Variants in EHMT1 observed in about 807,000 individuals in gnomAD.
EHMT1 encodes the protein histone-lysine N-methyltransferase EHMT1.
Under a neutral mutation model 147.2 loss-of-function variants are expected in EHMT1, and 15 were observed. That is an observed-to-expected ratio of 0.10 (90% confidence interval 0.07 to 0.16). The LOEUF is 0.16. Ranked by LOEUF, EHMT1 falls within the 10% of genes least tolerant of loss-of-function variation. EHMT1 has a pLI of 1.00. For synonymous variants in EHMT1, 795 were observed against 709.6 expected, an observed-to-expected ratio of 1.12 and a Z score of -1.91; for missense variants, 1,587 against 1,772.4, an observed-to-expected ratio of 0.90 and a Z score of 1.88.
At chr9:137,636,691 AGATTTT>A (rs1395741823) in intron 1 of EHMT1, among the ~76,000 whole-genome samples, 1 of 152,088 alleles carries the variant, frequency 6.6e-6, no homozygotes, top group Non-Finnish European at 1.5e-5. Context: ...TGTCTTACAT[AGATTTT>A]CATATGCTCA....
At chr9:137,736,390 A>G (rs4344156) in intron 4 of EHMT1, among the ~76,000 whole-genome samples, 45 of 152,388 alleles carry the variant, frequency 3.0e-4, no homozygotes, top group African/African-American at 1.1e-3. Flanking sequence ...AGACCTCAGT[A>G]TCCACTTATC....
chr9:137,775,030 G>C lies in EHMT1; in HGVS notation c.1648-79G>C. 3 of 1,600,492 alleles carry C rather than the reference G, an allele frequency of 1.9e-6. No homozygotes were observed. Among genetic ancestry groups the C allele is most frequent in the Non-Finnish European group, 2.6e-6 (3 of 1,169,552 alleles). On this transcript the variant is annotated intron_variant, in intron 10 of 26. Transcript: ENST00000460843. This position sits in a 1 kb window ranked among gnomAD's most constrained non-coding sequence, Gnocchi z 6.1. Reference sequence around the variant, plus strand: ...CCTGCTGAGCAGCTCTTGTGTGCCTGCACTGCCCAGCGCCTGGTGGGAGGG... The same window carrying C: ...CCTGCTGAGCAGCTCTTGTGTGCCTCCACTGCCCAGCGCCTGGTGGGAGGG...
intron 1 of EHMT1, among the ~76,000 whole-genome samples, chr9:137,626,216 C>T (rs756554858): frequency 1.3e-5 from 2 of 151,738 alleles, no homozygotes; most frequent in Non-Finnish European, 2.9e-5. Flanking sequence ...TTTTTAGTAT[C>T]TCCTGTTCTT....
chr9:137,743,353 T>TTTTTTTTTTTTTTTTTTTTTTTTTTC lies in EHMT1; in HGVS notation c.824-3_824-2insTTTTTTTTTTCTTTTTTTTTTTTTTT. 1 of 144,588 alleles carries TTTTTTTTTTTTTTTTTTTTTTTTTTC rather than the reference T, an allele frequency of 6.9e-6. No homozygotes were observed. Among genetic ancestry groups the TTTTTTTTTTTTTTTTTTTTTTTTTTC allele is most frequent in the Non-Finnish European group, 1.5e-5 (1 of 66,570 alleles). 9.0% of individuals were successfully genotyped at this position (144,588 alleles called of 1,614,324 possible). A position where few individuals can be genotyped will look rare whatever the true frequency, so the allele number is the denominator to read the frequency against. ...TTTTCCTTTCTTGTCCCCTTTTGAC[T>TTTTTTTTTTTTTTTTTTTTTTTTTTC]TTTTTTTTTTTTTTTAGCTTGCTTG... On this transcript the variant is annotated splice_polypyrimidine_tract_variant and intron_variant, in intron 4 of 26. Coordinates refer to ENST00000460843, the MANE Select transcript of EHMT1 (RefSeq NM_024757.5).
intron 1 of EHMT1, among the ~76,000 whole-genome samples, chr9:137,661,535 G>C (rs192745691): frequency 1.3e-5 from 2 of 149,468 alleles, no homozygotes; most frequent in East Asian, 3.9e-4. Flanking sequence ...TGACAGGCTG[G>C]AGTGCAGTGG....
chr9:137,792,857 A>G (rs1952629296), intron 16 of EHMT1, among the ~76,000 whole-genome samples: 1 of 152,262 alleles, frequency 6.6e-6, no homozygotes, highest in South Asian at 2.1e-4. Flanking sequence ...AAAGAAATAG[A>G]CAAACTTGAT....
chr9:137,745,756 C>T (rs947771543), intron 6 of EHMT1: 1 of 388,742 alleles, frequency 2.6e-6, no homozygotes, highest in Non-Finnish European at 4.5e-6. Flanking sequence ...CTGAGTATGC[C>T]GGAGGCTCAT....
chr9:137,780,606 T>C (rs1415644755), intron 14 of EHMT1, among the ~76,000 whole-genome samples: 16 of 115,780 alleles, frequency 1.4e-4, no homozygotes, highest in East Asian at 9.1e-4. Flanking sequence ...GTGATGACGC[T>C]GGGATGTGTG....
At chr9:137,694,189 G>A (rs1359155301) in intron 1 of EHMT1, among the ~76,000 whole-genome samples, 2 of 109,306 alleles carry the variant, frequency 1.8e-5, no homozygotes, top group Non-Finnish European at 3.6e-5. Flanking sequence ...ATACCCACCA[G>A]GCAATGGTGC....
chr9:137,690,064 C>T (rs1404389367), intron 1 of EHMT1, among the ~76,000 whole-genome samples: 1 of 152,184 alleles, frequency 6.6e-6, no homozygotes, highest in Non-Finnish European at 1.5e-5. Context: ...GGTGCATGAT[C>T]TGACTTACAT....
chr9:137,639,957 G>A (rs1271454228), intron 1 of EHMT1, among the ~76,000 whole-genome samples: 5 of 152,128 alleles, frequency 3.3e-5, no homozygotes, highest in African/African-American at 7.2e-5. Flanking sequence ...ATTTAGAGAC[G>A]GAGTCTCGCT....
chr9:137,805,145 T>C (rs1953836892), intron 18 of EHMT1, among the ~76,000 whole-genome samples: 1 of 151,974 alleles, frequency 6.6e-6, no homozygotes, highest in Non-Finnish European at 1.5e-5. Flanking sequence ...TCCGCATGTG[T>C]GAGTCCATCA....
At chr9:137,717,545 G>T (rs1945455739) in intron 3 of EHMT1, among the ~76,000 whole-genome samples, 1 of 148,606 alleles carries the variant, frequency 6.7e-6, no homozygotes, top group African/African-American at 2.5e-5. Context: ...GGTGGAGACT[G>T]CAGTGAGCCC....
intron 1 of EHMT1, among the ~76,000 whole-genome samples, chr9:137,675,515 G>A (rs1422770281): frequency 1.3e-5 from 2 of 151,896 alleles, no homozygotes; most frequent in African/African-American, 2.4e-5. Flanking sequence ...CCAGGCTGGA[G>A]TGCAGTGGCG....
chr9:137,713,937 G>A (rs1380318878), intron 2 of EHMT1, among the ~76,000 whole-genome samples: 1 of 152,024 alleles, frequency 6.6e-6, no homozygotes, highest in African/African-American at 2.4e-5. Flanking sequence ...GTGACACAGC[G>A]AGACTCCATC....
At chr9:137,623,844 CT>C (rs1408410974) in intron 1 of EHMT1, among the ~76,000 whole-genome samples, 1 of 152,068 alleles carries the variant, frequency 6.6e-6, no homozygotes, top group East Asian at 1.9e-4. Context: ...CTGGTTTGGT[CT>C]TTTTTCTTTT....
At chr9:137,674,121 C>T (rs140039730) in intron 1 of EHMT1, among the ~76,000 whole-genome samples, 1 of 152,308 alleles carries the variant, frequency 6.6e-6, no homozygotes, top group East Asian at 1.9e-4. Context: ...CGTTCTAAAA[C>T]ACCAAGGCAT....
chr9:137,669,837 G>A (rs866022788), intron 1 of EHMT1, among the ~76,000 whole-genome samples: 2 of 152,210 alleles, frequency 1.3e-5, no homozygotes, highest in Middle Eastern at 6.8e-3. Context: ...ACAGGTGTGA[G>A]CCATGATGCC....
intron 14 of EHMT1, 121 bp downstream of exon 14, chr9:137,779,838 C>T (rs1951245475): frequency 1.9e-6 from 2 of 1,076,924 alleles, no homozygotes; most frequent in Non-Finnish European, 2.7e-6. Context: ...GTTTCTGTGT[C>T]TCCGAGTTCT....
Sources: gnomAD v4.1 joint callset for allele counts (sites outside exome capture counted in the v4.1 genomes callset) on GRCh38, gnomAD v4.1.1 for gene constraint, Gnocchi (gnomAD v3.1) non-coding constraint, MANE v1.5 for transcripts, NCBI Gene and HGNC (gene_info 2026-07-23, HGNC 2026-07-21) for gene names.